The following LRCH1 variants were observed in gnomAD, a reference collection of about 807,000 sequenced individuals.
The protein encoded by LRCH1 is leucine rich repeats and calponin homology domain containing 1.
Under a neutral mutation model 94.9 loss-of-function variants are expected in LRCH1, and 23 were observed. That is an observed-to-expected ratio of 0.24 (90% CI 0.17 to 0.34). The LOEUF is 0.34. Ranked by LOEUF, LRCH1 falls within the 10% of genes least tolerant of loss-of-function variation. The pLI, the probability that LRCH1 is intolerant of heterozygous loss-of-function variation, is 1.00. For missense variants in LRCH1, 790 were observed against 945.9 expected (o/e 0.84, Z 2.16); for synonymous variants, 364 against 354.9 (o/e 1.03, Z -0.29).
At chr13:46,588,443 C>T (rs1363936921) in intron 1 of LRCH1, among the ~76,000 whole-genome samples, 1 of 152,024 alleles carries the variant, frequency 6.6e-6, no homozygotes, top group Non-Finnish European at 1.5e-5. Context: ...TGTTTAAGGT[C>T]TTAGTAGAAT....
chr13:46,563,349 C>CT lies in LRCH1; in HGVS notation c.307+9656dup, dbSNP rs567322636. Among the ~76,000 whole-genome samples the CT allele has an allele frequency of 4.6e-3, 689 of 148,872 alleles. 5 individuals carry two copies. The highest frequency in any genetic ancestry group is 0.027 in the South Asian group (128 of 4,690). Reference sequence around the variant, plus strand: ...GCCCTTAGCCAAATGGAATTTCTTCCTTTTTTTTTTAAGTATAGCTTAGTG... The same window carrying CT: ...GCCCTTAGCCAAATGGAATTTCTTCCTTTTTTTTTTTAAGTATAGCTTAGTG... On this transcript the variant is annotated intron_variant, in intron 1 of 19. Coordinates refer to ENST00000389797, the MANE Select transcript of LRCH1 (RefSeq NM_001164211.2).
At chr13:46,553,835 C>G (rs958559874) in intron 1 of LRCH1, 132 bp downstream of exon 1, 3 of 1,497,144 alleles carry the variant, frequency 2.0e-6, no homozygotes, top group African/African-American at 2.8e-5. Context: ...CGTTGTCTCC[C>G]GAAGAAGGGA....
chr13:46,703,251 T>A (rs1380131593), intron 11 of LRCH1, among the ~76,000 whole-genome samples: 1 of 152,200 alleles, frequency 6.6e-6, no homozygotes. Flanking sequence ...AATCAGGAAG[T>A]AGTGTGGCTT....
intron 8 of LRCH1, among the ~76,000 whole-genome samples, chr13:46,693,590 A>C (rs566918911): frequency 6.6e-6 from 1 of 152,332 alleles, no homozygotes; most frequent in Admixed American, 6.5e-5. Context: ...TCACCTGTAC[A>C]TGAGATGATT....
intron 1 of LRCH1, among the ~76,000 whole-genome samples, chr13:46,642,256 TC>T (rs1039054586): frequency 4.6e-5 from 7 of 152,236 alleles, no homozygotes; most frequent in Admixed American, 4.6e-4. Context: ...CATTTTTTTT[TC>T]TTCTACAAGC....
chr13:46,750,463 T>A, intron 18 of LRCH1: 1 of 1,025,372 alleles, frequency 9.8e-7, no homozygotes, highest in Non-Finnish European at 1.5e-6. Flanking sequence ...AACTTTGATG[T>A]CATCAACGAT....
intron 3 of LRCH1, among the ~76,000 whole-genome samples, chr13:46,677,409 G>A (rs984831783): frequency 6.6e-6 from 1 of 152,124 alleles, no homozygotes; most frequent in Non-Finnish European, 1.5e-5. Flanking sequence ...CAATCTGGGC[G>A]ACAGAGCGAG....
intron 1 of LRCH1, among the ~76,000 whole-genome samples, chr13:46,571,915 G>GGAGA (rs151008883): frequency 6.6e-6 from 1 of 150,886 alleles, no homozygotes; most frequent in Non-Finnish European, 1.5e-5. Context: ...AGGGAGGGAG[G>GGAGA]GAGAGAGAGA....
intron 1 of LRCH1, among the ~76,000 whole-genome samples, chr13:46,597,648 C>T (rs1052603393): frequency 2.0e-5 from 3 of 152,094 alleles, no homozygotes; most frequent in Admixed American, 6.5e-5. Context: ...TGAACCACCG[C>T]GCCTGGCCCT....
chr13:46,643,636 A>C (rs916086386), intron 1 of LRCH1, among the ~76,000 whole-genome samples: 2 of 152,184 alleles, frequency 1.3e-5, no homozygotes, highest in African/African-American at 2.4e-5. Context: ...GTGTGCTCTC[A>C]AAGACACACT....
At chr13:46,660,499 A>G (rs979331641) in intron 2 of LRCH1, among the ~76,000 whole-genome samples, 1 of 152,136 alleles carries the variant, frequency 6.6e-6, no homozygotes, top group Non-Finnish European at 1.5e-5. Flanking sequence ...TGTTAGACAT[A>G]AAGTCTTAGG....
At chr13:46,622,717 G>A (rs560156383) in intron 1 of LRCH1, among the ~76,000 whole-genome samples, 3 of 152,198 alleles carry the variant, frequency 2.0e-5, no homozygotes, top group Non-Finnish European at 2.9e-5. Context: ...GCTAGTTTGT[G>A]TATTGAAAAT....
intron 9 of LRCH1, among the ~76,000 whole-genome samples, chr13:46,696,418 A>T (rs1465135857): frequency 1.3e-5 from 2 of 152,242 alleles, no homozygotes; most frequent in Admixed American, 1.3e-4. Context: ...AATCTAAGGT[A>T]AAGATGGAAA....
downstream of LRCH1, among the ~76,000 whole-genome samples, chr13:46,748,969 T>C (rs1320059932): frequency 6.6e-6 from 1 of 152,196 alleles, no homozygotes; most frequent in Non-Finnish European, 1.5e-5. Context: ...TTATTGGAGA[T>C]GTCATGTCAT....
intron 2 of LRCH1, among the ~76,000 whole-genome samples, chr13:46,658,209 A>G (rs997413770): frequency 5.9e-5 from 9 of 152,146 alleles, no homozygotes; most frequent in Non-Finnish European, 4.4e-5. Flanking sequence ...TAATACTATA[A>G]ATTTGTGCAT....
chr13:46,751,353 A>G (rs141977851), exon 19 of LRCH1: 7 of 152,260 alleles, frequency 4.6e-5, no homozygotes, highest in East Asian at 1.9e-4. Context: ...TTAGGACACA[A>G]CTTTTCTGGG....
chr13:46,560,335 TG>T (rs1462317150), intron 1 of LRCH1, among the ~76,000 whole-genome samples: 4 of 152,218 alleles, frequency 2.6e-5, no homozygotes, highest in African/African-American at 7.2e-5. Context: ...CTTGAATTTT[TG>T]TCTAAGCCTC....
At chr13:46,623,941 T>C (rs2050914087) in intron 1 of LRCH1, among the ~76,000 whole-genome samples, 1 of 149,216 alleles carries the variant, frequency 6.7e-6, no homozygotes, top group Non-Finnish European at 1.5e-5. Flanking sequence ...TGGAGTACAG[T>C]GGTGCAGTTA....
At chr13:46,688,928 C>A (rs1366295418) in intron 6 of LRCH1, among the ~76,000 whole-genome samples, 2 of 152,114 alleles carry the variant, frequency 1.3e-5, no homozygotes, top group African/African-American at 2.4e-5. Flanking sequence ...TTATCTTATC[C>A]TGTGTTTAGA....
Sources: allele counts gnomAD v4.1 joint callset (sites outside exome capture counted in the v4.1 genomes callset), GRCh38; gene constraint gnomAD v4.1.1; transcripts MANE v1.5; gene names NCBI Gene and HGNC (gene_info 2026-07-23, HGNC 2026-07-21).